Variants in SORCS2 observed in about 807,000 individuals in gnomAD.
SORCS2 encodes sortilin related VPS10 domain containing receptor 2, also known as VPS10 domain-containing receptor SorCS2.
A neutral mutation model predicts 141.6 loss-of-function variants in SORCS2; 100 were observed. The observed-to-expected ratio is 0.71, with a 90% CI of 0.60 to 0.83. SORCS2 has a LOEUF of 0.83. Ranked by LOEUF, SORCS2 falls within the 40% of genes least tolerant of loss-of-function variation. The pLI is 0.00. For missense variants in SORCS2, 1,646 were observed against 1,560.2 expected, an observed-to-expected ratio of 1.05 and a Z score of -0.93; for synonymous variants, 789 against 676.9, an observed-to-expected ratio of 1.17 and a Z score of -2.57.
rs1712734101 is a variant in SORCS2 at position 7,742,251 on chromosome 4, T to TGCAAGGACA, written c.*1987_*1988insGCAAGGACA. On this transcript the variant is annotated 3_prime_UTR_variant, in exon 27 of 27. Coordinates refer to ENST00000507866, the MANE Select transcript of SORCS2 (RefSeq NM_020777.3). ...AAGGACACCTTTGCAGGGATTCTTG[T>TGCAAGGACA]CCTGCTGGCCACCCCACCCACACCT... The TGCAAGGACA allele has an allele frequency of 6.6e-6, 1 of 152,266 alleles. No individual in the cohort carries two copies. The highest frequency in any genetic ancestry group is 1.5e-5 in the Non-Finnish European group (1 of 68,120). The allele number at this position is 152,266 out of a possible 1,614,324, so 9.4% of individuals were successfully genotyped here.
intron 1 of SORCS2, among the ~76,000 whole-genome samples, chr4:7,290,208 C>A (rs529913567): frequency 1.3e-5 from 2 of 152,296 alleles, no homozygotes; most frequent in Admixed American, 6.5e-5. Context: ...CAACCCGTGG[C>A]AGCTCTTGTA....
chr4:7,389,348 C>T (rs1723708711), intron 1 of SORCS2, among the ~76,000 whole-genome samples: 1 of 152,086 alleles, frequency 6.6e-6, no homozygotes, highest in African/African-American at 2.4e-5. Context: ...CTGAGTTGGG[C>T]CTGAGTGACG....
Position 7,408,326 on chromosome 4 carries a change from C to T in SORCS2, c.548+11971C>T, listed in dbSNP as rs572676258. 1.3e-4 allele frequency among the ~76,000 whole-genome samples: 19 copies of T among 151,956 alleles called. No individual in the cohort carries two copies. In the East Asian group the frequency reaches 2.3e-3, roughly 19 times the overall value. On this transcript the variant is annotated intron_variant, in intron 2 of 26. Coordinates refer to ENST00000507866, the MANE Select transcript of SORCS2 (RefSeq NM_020777.3). ...TCAGCTTTTGTTTGTCTAGAAAAGA[C>T]GATATCTGTCTTTCATATTTGAAGG...
chr4:7,620,492 G>A (rs1377391997), intron 3 of SORCS2, among the ~76,000 whole-genome samples: 2 of 152,230 alleles, frequency 1.3e-5, no homozygotes, highest in African/African-American at 4.8e-5. Flanking sequence ...CTGGGGGAGG[G>A]TGCAACTTCC....
At position 7,734,287 on chromosome 4, in the gene SORCS2, GC is replaced by G; in HGVS notation, c.3225del (p.Gly1076AlafsTer8). 1 of 1,601,544 alleles carries G rather than the reference GC, an allele frequency of 6.2e-7. No individual in the cohort carries two copies. Reference sequence around the variant, plus strand: ...TTGCTTGCAGGTGCTGAGCAGCTGGGCGGCGGTGGCGGCTACTGGGCGGTAG... The same window carrying G: ...TTGCTTGCAGGTGCTGAGCAGCTGGGGGCGGTGGCGGCTACTGGGCGGTAG... ...RDTGTGAEQL[G>X]GGGGYWAVVV... On this transcript the variant is annotated frameshift_variant, in exon 25 of 27. Transcript: ENST00000507866. LOFTEE classifies it high-confidence loss of function.
intron 1 of SORCS2, among the ~76,000 whole-genome samples, chr4:7,265,017 A>G (rs944217014): frequency 6.6e-6 from 1 of 152,148 alleles, no homozygotes; most frequent in African/African-American, 2.4e-5. Flanking sequence ...ACCAGCTTCT[A>G]TGCCGCCCTG....
chr4:7,667,088 C>G, intron 7 of SORCS2, 36 bp from the exon 8 acceptor site: 1 of 1,557,776 alleles, frequency 6.4e-7, no homozygotes, highest in South Asian at 1.1e-5. Flanking sequence ...GAGAGGGAAT[C>G]AAGCCTCTCA....
At chr4:7,417,010 T>C (rs557846209) in intron 2 of SORCS2, among the ~76,000 whole-genome samples, 1 of 152,306 alleles carries the variant, frequency 6.6e-6, no homozygotes, top group African/African-American at 2.4e-5. Context: ...GAGCGGGGTC[T>C]CCTGCTCTTT....
intron 12 of SORCS2, among the ~76,000 whole-genome samples, chr4:7,699,554 CA>C (rs1724926094): frequency 6.6e-6 from 1 of 152,096 alleles, no homozygotes; most frequent in Non-Finnish European, 1.5e-5. Context: ...CCTCTCACTG[CA>C]CCACACCCTG....
chr4:7,327,347 C>A (rs1243474694), intron 1 of SORCS2, among the ~76,000 whole-genome samples: 2 of 152,216 alleles, frequency 1.3e-5, no homozygotes, highest in Non-Finnish European at 1.5e-5. Context: ...CACATCCCTC[C>A]GTCTGGCTCT....
intron 4 of SORCS2, among the ~76,000 whole-genome samples, chr4:7,639,674 TGA>T (rs1433365980): frequency 3.3e-5 from 5 of 150,692 alleles, no homozygotes; most frequent in Non-Finnish European, 7.4e-5. Flanking sequence ...CAAATGTGTG[TGA>T]GTGTGAGGGT....
intron 3 of SORCS2, among the ~76,000 whole-genome samples, chr4:7,576,169 T>G (rs946216518): frequency 1.3e-5 from 2 of 152,138 alleles, no homozygotes; most frequent in African/African-American, 4.8e-5. Context: ...CCACTAACAT[T>G]CTCCTTCTGA....
intron 3 of SORCS2, among the ~76,000 whole-genome samples, chr4:7,630,750 G>C (rs1182857351): frequency 6.6e-6 from 1 of 152,192 alleles, no homozygotes; most frequent in Admixed American, 6.5e-5. Context: ...GGGGGTGGAG[G>C]CTGCAGTGTT....
rs1026953159 is a variant in SORCS2 at position 7,698,846 on chromosome 4, C to T, written c.1668+1572C>T. On this transcript the variant is annotated intron_variant, in intron 12 of 26. Coordinates refer to ENST00000507866, the MANE Select transcript of SORCS2 (RefSeq NM_020777.3). Reference sequence around the variant, plus strand: ...GTGTGGCAGGGGAGGGAGAGATGCTCCTGTGGGTTTTTTTTTAAGTTTCTT... The same window carrying T: ...GTGTGGCAGGGGAGGGAGAGATGCTTCTGTGGGTTTTTTTTTAAGTTTCTT... Among the ~76,000 whole-genome samples, 21 of 111,476 alleles carry T rather than the reference C, an allele frequency of 1.9e-4. No homozygotes were observed. The East Asian group carries it at 6.6e-3, about 35-fold the overall frequency. The allele number at this position is 111,476 out of a possible 152,430, so 73.1% of individuals were successfully genotyped here. A position where few individuals can be genotyped will look rare whatever the true frequency, so the allele number is the denominator to read the frequency against.
At chr4:7,562,119 A>T (rs1216037277) in intron 3 of SORCS2, among the ~76,000 whole-genome samples, 1 of 152,232 alleles carries the variant, frequency 6.6e-6, no homozygotes, top group African/African-American at 2.4e-5. Flanking sequence ...CACCCAGTTA[A>T]TTGAACTTCT....
chr4:7,300,589 C>A (rs1331729488), intron 1 of SORCS2, among the ~76,000 whole-genome samples: 2 of 152,180 alleles, frequency 1.3e-5, no homozygotes, highest in Non-Finnish European at 2.9e-5. Flanking sequence ...TCACGGCGAC[C>A]TTTGGAGTAG....
At chr4:7,426,206 C>A (rs566470954) in intron 2 of SORCS2, among the ~76,000 whole-genome samples, 1 of 151,352 alleles carries the variant, frequency 6.6e-6, no homozygotes, top group South Asian at 2.1e-4. Flanking sequence ...TGTGTTTTAC[C>A]TTGTGGGGGG....
rs140414257 is a variant in SORCS2, at chr4:7,704,267, C to T, written c.1851C>T (p.Asp617=). The T allele has an allele frequency of 1.8e-3, 2,838 of 1,611,620 alleles. 46 individuals are homozygous for T. In the African/African-American group the frequency reaches 0.031, roughly 17 times the overall value. ...FVDGLLSEPG[D]ETLVMTVFGH... ...ACGGGCTGCTGAGTGAGCCAGGGGA[C>T]GAGACGCTGGTCATGACGTGAGTGC... The change falls in exon 14 of 27, where the codon GAC becomes GAT. Residue 617 remains aspartate, a synonymous_variant. Transcript: ENST00000507866.
intron 2 of SORCS2, among the ~76,000 whole-genome samples, chr4:7,501,678 C>G (rs1327276891): frequency 6.6e-6 from 1 of 152,228 alleles, no homozygotes; most frequent in Non-Finnish European, 1.5e-5. Context: ...GCGTTGGTCT[C>G]ATTGTCCCTG....
Sources: gnomAD v4.1 joint callset for allele counts (sites outside exome capture counted in the v4.1 genomes callset) on GRCh38, gnomAD v4.1.1 for gene constraint, MANE v1.5 for transcripts, NCBI Gene and HGNC (gene_info 2026-07-23, HGNC 2026-07-21) for gene names.